Variants in CRAMP1 observed in about 807,000 individuals in gnomAD.
CRAMP1 encodes the protein protein cramped-like.
A neutral mutation model predicts 115.4 loss-of-function variants in CRAMP1; 50 were observed. That is an observed-to-expected ratio of 0.43 (90% CI 0.35 to 0.55). The LOEUF (loss-of-function observed/expected upper bound fraction) is 0.55. Among genes scored for constraint, CRAMP1 ranks in the 20% least tolerant of loss-of-function variants. CRAMP1 has a pLI of 0.01. For synonymous variants in CRAMP1, 866 were observed against 745.4 expected (o/e 1.16, Z -2.64); for missense variants, 1,679 against 1,721.7 (o/e 0.98, Z 0.44).
chr16:1,658,745 G>A (rs915499983), intron 10 of CRAMP1, among the ~76,000 whole-genome samples: 3 of 152,230 alleles, frequency 2.0e-5, no homozygotes, highest in Non-Finnish European at 2.9e-5. Context: ...GTCATGAGGT[G>A]GGAGGGGTCC....
chr16:1,641,223 T>C (rs1422433165), intron 6 of CRAMP1, 36 bp downstream of exon 6: 2 of 1,488,882 alleles, frequency 1.3e-6, no homozygotes, highest in Non-Finnish European at 1.9e-6. Flanking sequence ...ATCACTTCTC[T>C]GGGTGTTTTG....
chr16:1,636,207 C>G (rs974561900), intron 4 of CRAMP1, among the ~76,000 whole-genome samples: 5 of 152,102 alleles, frequency 3.3e-5, no homozygotes, highest in Admixed American at 1.3e-4. Context: ...CCCGTCTCTA[C>G]TAAAAATACA....
At chr16:1,637,679 G>T (rs1238650403) in intron 4 of CRAMP1, 145 bp from the exon 5 acceptor site, 1 of 436,532 alleles carries the variant, frequency 2.3e-6, no homozygotes, top group Non-Finnish European at 4.1e-6. Context: ...ACTCTGCCCA[G>T]TGTCCCCTGT....
intron 2 of CRAMP1, among the ~76,000 whole-genome samples, chr16:1,618,668 T>C (rs1191893674): frequency 6.6e-6 from 1 of 152,226 alleles, no homozygotes; most frequent in Non-Finnish European, 1.5e-5. Flanking sequence ...CACAATTTAC[T>C]CTTTATATTT....
chr16:1,638,451 A>G (rs181511477), intron 5 of CRAMP1, among the ~76,000 whole-genome samples: 6 of 152,296 alleles, frequency 3.9e-5, no homozygotes, highest in African/African-American at 1.4e-4. Context: ...GGCTTCTGAG[A>G]CATTGCAACG....
intron 1 of CRAMP1, among the ~76,000 whole-genome samples, chr16:1,613,454 G>T (rs1162992058): frequency 2.0e-5 from 3 of 152,162 alleles, no homozygotes; most frequent in African/African-American, 7.2e-5. Flanking sequence ...CTTTGAAGTG[G>T]AAATGCCCCC....
At chr16:1,615,278 A>G (rs184041233) in intron 2 of CRAMP1, among the ~76,000 whole-genome samples, 1 of 152,136 alleles carries the variant, frequency 6.6e-6, no homozygotes, top group Non-Finnish European at 1.5e-5. Context: ...ATGGTTTTCT[A>G]TGGTTTTGTG....
chr16:1,668,796 C>T (rs1055085346), intron 18 of CRAMP1, among the ~76,000 whole-genome samples: 7 of 152,182 alleles, frequency 4.6e-5, no homozygotes, highest in Non-Finnish European at 7.3e-5. Flanking sequence ...TGGCTACTGC[C>T]GTCGCCTTCA....
chr16:1,615,743 T>G (rs1397132511), intron 2 of CRAMP1, among the ~76,000 whole-genome samples: 1 of 152,244 alleles, frequency 6.6e-6, no homozygotes, highest in Non-Finnish European at 1.5e-5. Flanking sequence ...TATTTCTATT[T>G]CAGTCTTGTG....
chr16:1,674,135 A>T lies in CRAMP1; in HGVS notation c.*90A>T. 1 of 1,306,832 alleles carries T rather than the reference A, an allele frequency of 7.7e-7. No individual in the cohort carries two copies. The highest frequency in any genetic ancestry group is 1.4e-5 in the South Asian group (1 of 73,874). 81.0% of individuals were successfully genotyped at this position (1,306,832 alleles called of 1,614,324 possible). On this transcript the variant is annotated 3_prime_UTR_variant, in exon 21 of 21. Coordinates refer to ENST00000397412, the MANE Select transcript of CRAMP1 (RefSeq NM_020825.4). ...CCCAGAAGATGGTCTGAACAGAGGC[A>T]TCTCCGCACCCAAGACTGTGCAACG...
chr16:1,659,937 G>A lies in CRAMP1; in HGVS notation c.2287G>A (p.Glu763Lys), dbSNP rs763450496. ...AGCCTCAGTAAGGCCCGCCCAGGAG[G>A]AGCAGTCGATGACGCCCCCAGGGAA... Reference protein sequence around the residue: ...STASVRPAQEEQSMTPPGKVV... With the variant: ...STASVRPAQEKQSMTPPGKVV... Residue 763 changes from glutamate to lysine, a missense_variant, in exon 11 of 21, where the codon GAG becomes AAG. Glu to Lys is a moderately conservative substitution (Grantham distance 56, BLOSUM62 1). Coordinates refer to ENST00000397412, the MANE Select transcript of CRAMP1 (RefSeq NM_020825.4). 6.2e-7 allele frequency: 1 copy of A among 1,612,510 alleles called. No homozygotes were observed. The highest frequency in any genetic ancestry group is 1.7e-5 in the Admixed American group (1 of 60,008).
At chr16:1,636,384 A>AT (rs2036588889) in intron 4 of CRAMP1, among the ~76,000 whole-genome samples, 1 of 151,650 alleles carries the variant, frequency 6.6e-6, no homozygotes, top group African/African-American at 2.4e-5. Context: ...AAAAAAAAAA[A>AT]GAAAGAAAGA....
rs773981549 is a variant in CRAMP1 at position 1,668,038 on chromosome 16, C to T, written c.3179C>T (p.Ser1060Leu). Residue 1060 changes from serine to leucine, a missense_variant, in exon 18 of 21, where the codon TCA (serine) becomes TTA (leucine). By Grantham distance (145) the Ser-to-Leu change is moderately radical. Around this residue, in one of 8 missense-constraint regions of CRAMP1, gnomAD observed 709 missense variants for 741.9 expected, o/e 0.96. Coordinates refer to ENST00000397412, the MANE Select transcript of CRAMP1 (RefSeq NM_020825.4). ...GGCCTCTCCATACCGCTGTCCTCGT[C>T]AGAGAGCTCCAGCACCCGGCTGTCT... ...QNGLSIPLSS[S>L]ESSSTRLSPP... The T allele has an allele frequency of 6.8e-6, 11 of 1,613,960 alleles. No individual in the cohort carries two copies. Among genetic ancestry groups the T allele is most frequent in the Non-Finnish European group, 8.5e-6 (10 of 1,179,888 alleles).
intron 13 of CRAMP1, among the ~76,000 whole-genome samples, chr16:1,664,366 C>T (rs2036856794): frequency 6.6e-6 from 1 of 152,180 alleles, no homozygotes; most frequent in African/African-American, 2.4e-5. Context: ...TTTACTCACC[C>T]CATGTGTGAG....
At chr16:1,643,127 G>A (rs2036646442) in intron 6 of CRAMP1, among the ~76,000 whole-genome samples, 1 of 152,194 alleles carries the variant, frequency 6.6e-6, no homozygotes, top group East Asian at 1.9e-4. Flanking sequence ...GGACAACTCG[G>A]GGGGCTTTGA....
intron 11 of CRAMP1, among the ~76,000 whole-genome samples, chr16:1,661,143 C>T (rs1307820287): frequency 6.6e-6 from 1 of 152,148 alleles, no homozygotes; most frequent in East Asian, 1.9e-4. Flanking sequence ...TAGCAAGACC[C>T]CATCTCTACA....
In CRAMP1 at chr16:1,656,124, C is replaced by T. The variant is rs553081131; in HGVS notation, c.1367C>T (p.Thr456Met). The T allele has an allele frequency of 2.3e-5, 37 of 1,608,446 alleles. No individual in the cohort carries two copies. Among genetic ancestry groups the T allele is most frequent in the Middle Eastern group, 1.7e-4 (1 of 5,998 alleles). The change falls in exon 10 of 21, where the codon ACG (threonine) becomes ATG (methionine). Residue 456 changes from threonine (T) to methionine (M), a missense_variant. By Grantham distance (81) the Thr-to-Met change is moderately conservative (BLOSUM62 -1). Transcript: ENST00000397412. The surrounding 1 kb of genome is among the most constrained non-coding windows in gnomAD (Gnocchi z 5.6). ...CTGGGCATCCAGAGTGGGCAGGGCA[C>T]GGCCCGGGGCCAGGTGAAATGCCCG... is the stretch of plus-strand genomic sequence containing the variant. The part of the protein sequence containing the change: ...QILGIQSGQG[T>M]ARGQVKCPRS...
At chr16:1,660,828 G>A (rs1401227166) in intron 11 of CRAMP1, among the ~76,000 whole-genome samples, 3 of 151,904 alleles carry the variant, frequency 2.0e-5, no homozygotes, top group African/African-American at 2.4e-5. Flanking sequence ...CCAACATGGC[G>A]AAACCCTGTC....
At chr16:1,646,764 G>A (rs1192389577) in intron 6 of CRAMP1, among the ~76,000 whole-genome samples, 2 of 152,210 alleles carry the variant, frequency 1.3e-5, no homozygotes, top group African/African-American at 4.8e-5. Context: ...ATGTGCCCCT[G>A]TGTTTTCTTC....
Sources: allele counts gnomAD v4.1 joint callset (sites outside exome capture counted in the v4.1 genomes callset), GRCh38; gene constraint gnomAD v4.1.1; regional missense constraint gnomAD v4.1.1; non-coding constraint Gnocchi (gnomAD v3.1); transcripts MANE v1.5; gene names NCBI Gene and HGNC (gene_info 2026-07-23, HGNC 2026-07-21).